TMEM114: variants seen among roughly 807,000 people sequenced by gnomAD.
TMEM114 encodes transmembrane protein 114.
A neutral mutation model predicts 6.2 loss-of-function variants in TMEM114; 6 were observed. The observed-to-expected ratio is 0.97, with a 90% CI of 0.53 to 1.91. TMEM114 has a LOEUF of 1.91. Among genes scored for constraint, TMEM114 ranks in the 40% most tolerant of loss-of-function variants. The probability of loss-of-function intolerance (pLI) is 0.01; values close to 1 mark genes in which losing one functional copy is unlikely to be tolerated. For missense variants in TMEM114, 218 were observed against 158.3 expected (o/e 1.38, Z -2.02); for synonymous variants, 104 against 73.0 (o/e 1.42, Z -2.16).
intron 2 of TMEM114, among the ~76,000 whole-genome samples, chr16:8,561,889 T>TGAGA (rs1281412007): frequency 7.1e-6 from 1 of 140,962 alleles, no homozygotes; most frequent in African/African-American, 2.5e-5. Flanking sequence ...AATGAGTGAG[T>TGAGA]GAATGAGTAA....
rs899943322 is a variant in TMEM114, at chr16:8,569,948, C to T, written c.497G>A (p.Arg166Gln). The T allele has an allele frequency of 7.1e-6, 11 of 1,550,886 alleles. No homozygotes were observed. The highest frequency in any genetic ancestry group is 1.7e-4 in the Middle Eastern group (1 of 6,014). Residue 166 changes from arginine (R) to glutamine (Q), a missense_variant, in exon 4 of 4, where the codon CGG (arginine) becomes CAG (glutamine). Transcript: ENST00000620492. ...VYIAYSAAAF[R>Q]EALCLLEEKA... ...CTCCTCCAAGAGACACAGCGCCTCC[C>T]GGAAGGCGGCGGCTGAATACGCTAT...
chr16:8,533,169 T>G (rs910222447), downstream of TMEM114, among the ~76,000 whole-genome samples: 1 of 152,088 alleles, frequency 6.6e-6, no homozygotes, highest in Non-Finnish European at 1.5e-5. Flanking sequence ...GCAAACAAGT[T>G]TGAATAGTGA....
At chr16:8,531,018 T>C in the TMEM114 span, among the ~76,000 whole-genome samples, 11 of 151,686 alleles carry the variant, frequency 7.3e-5, no homozygotes, top group African/African-American at 2.2e-4. Flanking sequence ...AGTGAGACTC[T>C]GTCTCAAAAA....
chr16:8,555,501 C>A (rs552789151), intron 2 of TMEM114, among the ~76,000 whole-genome samples: 1 of 152,176 alleles, frequency 6.6e-6, no homozygotes, highest in African/African-American at 2.4e-5. Context: ...CATGGCAAGG[C>A]AAGGGGCAGT....
rs79075247 is a variant in TMEM114, at chr16:8,560,670, C to T, written n.213-22844G>A. On this transcript the variant is annotated intron_variant and non_coding_transcript_variant, in intron 2 of 2. Coordinates refer to the TMEM114 transcript ENST00000623677. ...CTCTACCAGAGCAAGTCTTCTCCTT[C>T]TGTGGGCCTCAGGCTCCTGTCTGTC... 7.3e-3 allele frequency among the ~76,000 whole-genome samples: 1,110 copies of T among 152,292 alleles called. 12 individuals carry two copies. Among genetic ancestry groups the T allele is most frequent in the African/African-American group, 0.026 (1,067 of 41,560 alleles).
At chr16:8,564,205 G>A (rs932122683) in intron 2 of TMEM114, among the ~76,000 whole-genome samples, 25 of 143,288 alleles carry the variant, frequency 1.7e-4, no homozygotes, top group South Asian at 1.6e-3. Flanking sequence ...GAGTGAGTGG[G>A]TGAATGAGTG....
intron 2 of TMEM114, among the ~76,000 whole-genome samples, chr16:8,551,184 C>T (rs1018171087): frequency 2.0e-5 from 3 of 152,210 alleles, no homozygotes; most frequent in South Asian, 2.1e-4. Flanking sequence ...GAACCAAGAA[C>T]CAGGAACAAG....
At chr16:8,569,108 A>C (rs1901634997), downstream of TMEM114, among the ~76,000 whole-genome samples, 1 of 152,180 alleles carries the variant, frequency 6.6e-6, no homozygotes, top group Admixed American at 6.5e-5. Flanking sequence ...TGTGAACAGC[A>C]CTGCCCCAGG....
chr16:8,551,172 C>G (rs1900832276), intron 2 of TMEM114, among the ~76,000 whole-genome samples: 1 of 152,072 alleles, frequency 6.6e-6, no homozygotes, highest in African/African-American at 2.4e-5. Context: ...TGGTTTTTAC[C>G]AGAACCAAGA....
chr16:8,564,217 GTTAGTGAA>G (rs1901425662), intron 2 of TMEM114, among the ~76,000 whole-genome samples: 3 of 144,074 alleles, frequency 2.1e-5, no homozygotes, highest in Non-Finnish European at 3.1e-5. Context: ...GAATGAGTGA[GTTAGTGAA>G]TGAGTGAGTT....
At chr16:8,548,112 T>C (rs768277435) in intron 2 of TMEM114, among the ~76,000 whole-genome samples, 2 of 152,180 alleles carry the variant, frequency 1.3e-5, no homozygotes, top group Non-Finnish European at 2.9e-5. Flanking sequence ...GAAAAGCCTG[T>C]TCTTCAAATA....
At chr16:8,581,619 A>G (rs1902152857) in intron 2 of TMEM114, among the ~76,000 whole-genome samples, 1 of 152,172 alleles carries the variant, frequency 6.6e-6, no homozygotes, top group African/African-American at 2.4e-5. Context: ...ACACCTGGCT[A>G]ATTTTTGTAT....
chr16:8,577,572 A>ATTTTGTT (rs987868228), intron 2 of TMEM114, among the ~76,000 whole-genome samples: 2 of 149,052 alleles, frequency 1.3e-5, no homozygotes, highest in African/African-American at 5.0e-5. Context: ...TTCTTTTTTG[A>ATTTTGTT]TTTTGTTTTT....
intron 2 of TMEM114, among the ~76,000 whole-genome samples, chr16:8,555,297 G>A (rs1341523363): frequency 6.6e-6 from 1 of 152,246 alleles, no homozygotes; most frequent in Non-Finnish European, 1.5e-5. Context: ...TATTGAGGAG[G>A]TGGCAGGGTT....
chr16:8,589,985 G>C lies in TMEM114; in HGVS notation c.-147C>G. On this transcript the variant is annotated 5_prime_UTR_variant, in exon 1 of 4. Coordinates refer to ENST00000620492, the MANE Select transcript of TMEM114 (RefSeq NM_001146336.2). The stretch of plus-strand genomic sequence containing the variant: ...CTCAGATCTGAAAGCCTTTCCTTTG[G>C]ACCCCGGGCCCTAGCTTAGACCCTG... The C allele has an allele frequency of 2.6e-6, 1 of 384,520 alleles. No homozygotes were observed. Among genetic ancestry groups the C allele is most frequent in the Non-Finnish European group, 4.6e-6 (1 of 217,536 alleles). 23.8% of individuals were successfully genotyped at this position (384,520 alleles called of 1,614,324 possible).
At chr16:8,572,580 T>C (rs1399268231) in intron 2 of TMEM114, among the ~76,000 whole-genome samples, 4 of 152,148 alleles carry the variant, frequency 2.6e-5, no homozygotes, top group Non-Finnish European at 5.9e-5. Context: ...GTACTGCAAG[T>C]GTGCACAACC....
chr16:8,545,422 T>C (rs911097877), intron 2 of TMEM114, among the ~76,000 whole-genome samples: 1 of 152,206 alleles, frequency 6.6e-6, no homozygotes, highest in Non-Finnish European at 1.5e-5. Context: ...GCAACAGTTA[T>C]ACTCTGTCTC....
At chr16:8,564,037 C>T (rs549571356) in intron 2 of TMEM114, among the ~76,000 whole-genome samples, 19 of 137,762 alleles carry the variant, frequency 1.4e-4, no homozygotes, top group African/African-American at 4.2e-4. Context: ...AAATGAGTGA[C>T]TGAATGAGTG....
intron 2 of TMEM114, among the ~76,000 whole-genome samples, chr16:8,551,409 C>T (rs1049327683): frequency 6.6e-6 from 1 of 152,094 alleles, no homozygotes; most frequent in Non-Finnish European, 1.5e-5. Context: ...GTGTAGCCTT[C>T]TCTACACTGT....
Sources: gnomAD v4.1 joint callset for allele counts (sites outside exome capture counted in the v4.1 genomes callset) on GRCh38, gnomAD v4.1.1 for gene constraint, MANE v1.5 for transcripts, NCBI Gene and HGNC (gene_info 2026-07-23, HGNC 2026-07-21) for gene names.